The following IGF1R variants were observed in gnomAD, a reference collection of about 807,000 sequenced individuals.
The protein encoded by IGF1R is insulin like growth factor 1 receptor.
A neutral mutation model predicts 144.6 loss-of-function variants in IGF1R; 44 were observed. The ratio of observed to expected loss-of-function variants is 0.30; its 90% CI spans 0.24 to 0.39. The LOEUF (loss-of-function observed/expected upper bound fraction) is 0.39. Among genes scored for constraint, IGF1R ranks in the 10% least tolerant of loss-of-function variants. The pLI, the probability that IGF1R is intolerant of heterozygous loss-of-function variation, is 1.00. For synonymous variants in IGF1R, 795 were observed against 722.8 expected, an observed-to-expected ratio of 1.10 and a Z score of -1.60; for missense variants, 1,355 against 1,833.7, an observed-to-expected ratio of 0.74 and a Z score of 4.77.
At chr15:98,783,305 C>T (rs1207952332) in intron 2 of IGF1R, among the ~76,000 whole-genome samples, 1 of 152,098 alleles carries the variant, frequency 6.6e-6, no homozygotes, top group African/African-American at 2.4e-5. Flanking sequence ...ACCTACTTCC[C>T]TTCTATCTCT....
intron 2 of IGF1R, among the ~76,000 whole-genome samples, chr15:98,812,067 A>G (rs953876673): frequency 1.3e-5 from 2 of 152,190 alleles, no homozygotes; most frequent in Non-Finnish European, 2.9e-5. Context: ...TTAAGTCTCC[A>G]TTTGATAAAG....
Position 98,963,957 on chromosome 15 carries a change from G to GA in IGF1R, c.*6518dup. On this transcript the variant is annotated 3_prime_UTR_variant, in exon 21 of 21. Transcript: ENST00000650285. Reference sequence around the variant, plus strand: ...TTGCGCTACATAGGAGAAAGATCTGGAAACTATTTGGGTTTTGTTTTCAAC... The same window carrying GA: ...TTGCGCTACATAGGAGAAAGATCTGGAAAACTATTTGGGTTTTGTTTTCAAC... 1 of 233,354 alleles carries GA rather than the reference G, an allele frequency of 4.3e-6. No individual in the cohort carries two copies. The highest frequency in any genetic ancestry group is 8.5e-6 in the Non-Finnish European group (1 of 117,900). 14.5% of individuals were successfully genotyped at this position (233,354 alleles called of 1,614,324 possible).
intron 1 of IGF1R, among the ~76,000 whole-genome samples, chr15:98,667,178 A>ACT (rs58744125): frequency 0.91 from 138,522 of 152,116 alleles, 63,387 homozygotes; most frequent in Non-Finnish European, 0.96. Context: ...CAGGAGTCAA[A>ACT]CTCATGCCAC....
At chr15:98,706,346 G>A (rs557872924) in intron 1 of IGF1R, among the ~76,000 whole-genome samples, 2 of 152,182 alleles carry the variant, frequency 1.3e-5, no homozygotes, top group Admixed American at 6.5e-5. Context: ...CCTAAAAAAG[G>A]TTATCACAAA....
At chr15:98,789,260 C>G (rs1418019000) in intron 2 of IGF1R, among the ~76,000 whole-genome samples, 1 of 152,220 alleles carries the variant, frequency 6.6e-6, no homozygotes, top group Non-Finnish European at 1.5e-5. Flanking sequence ...TTGACAGGGA[C>G]ACATTGTTCT....
intron 2 of IGF1R, among the ~76,000 whole-genome samples, chr15:98,869,975 G>A (rs1596378396): frequency 6.6e-6 from 1 of 151,914 alleles, no homozygotes; most frequent in Admixed American, 6.5e-5. Flanking sequence ...TGCATTACAA[G>A]TATATACTGA....
At chr15:98,706,451 C>T (rs916716922) in intron 1 of IGF1R, among the ~76,000 whole-genome samples, 18 of 152,306 alleles carry the variant, frequency 1.2e-4, no homozygotes, top group Non-Finnish European at 1.5e-5. Context: ...TCTGCAAATG[C>T]GTTGGCCCAG....
At chr15:98,708,165 T>C in intron 2 of IGF1R, 58 bp downstream of exon 2, 1 of 1,427,628 alleles carries the variant, frequency 7.0e-7, no homozygotes, top group South Asian at 1.2e-5. Flanking sequence ...CTCCTCCTCC[T>C]TGACCTCCCT....
At chr15:98,684,553 A>G (rs1438805002) in intron 1 of IGF1R, among the ~76,000 whole-genome samples, 1 of 152,208 alleles carries the variant, frequency 6.6e-6, no homozygotes, top group Non-Finnish European at 1.5e-5. Context: ...AACACTTAAT[A>G]CTTAGCACAG....
rs553910186 is a variant in IGF1R at position 98,685,722 on chromosome 15, G to A, written c.95-21840G>A. Among the ~76,000 whole-genome samples the A allele has an allele frequency of 8.5e-4, 130 of 152,314 alleles. 1 individual carries two copies. The highest frequency in any genetic ancestry group is 1.5e-3 in the Non-Finnish European group (99 of 68,026). On this transcript the variant is annotated intron_variant, in intron 1 of 20. Transcript: ENST00000650285. ...AACAGGAGTGTGCAAGAACACCAGCGTGCTTCCAGTATTCAGGTCTAGCGG... is the reference window on the plus strand; with the variant it reads ...AACAGGAGTGTGCAAGAACACCAGCATGCTTCCAGTATTCAGGTCTAGCGG...
intron 1 of IGF1R, among the ~76,000 whole-genome samples, chr15:98,698,101 C>T (rs1300051436): frequency 6.8e-6 from 1 of 147,818 alleles, no homozygotes; most frequent in East Asian, 2.0e-4. Context: ...TGCCGTGGTG[C>T]GATCTTGGCT....
chr15:98,844,153 T>C (rs1324311544), intron 2 of IGF1R, among the ~76,000 whole-genome samples: 1 of 152,198 alleles, frequency 6.6e-6, no homozygotes, highest in East Asian at 1.9e-4. Flanking sequence ...ATATGACATA[T>C]GGCTATGTGT....
chr15:98,910,148 G>A (rs966108420), intron 6 of IGF1R, among the ~76,000 whole-genome samples: 10 of 152,174 alleles, frequency 6.6e-5, no homozygotes, highest in African/African-American at 9.7e-5. Flanking sequence ...AGGGAAGCAC[G>A]CTGACTGACC....
chr15:98,887,551 TGTC>T (rs2013700377), intron 2 of IGF1R, among the ~76,000 whole-genome samples: 1 of 152,212 alleles, frequency 6.6e-6, no homozygotes, highest in Non-Finnish European at 1.5e-5. Flanking sequence ...CCCCAGTTAG[TGTC>T]TGATGATGAT....
intron 2 of IGF1R, among the ~76,000 whole-genome samples, chr15:98,856,055 G>A (rs902864598): frequency 6.6e-6 from 1 of 152,170 alleles, no homozygotes; most frequent in Non-Finnish European, 1.5e-5. Context: ...AGAGGGAGAC[G>A]GGGTGTGCTG....
intron 1 of IGF1R, among the ~76,000 whole-genome samples, chr15:98,672,095 C>T (rs1485230115): frequency 2.6e-5 from 4 of 152,180 alleles, no homozygotes; most frequent in African/African-American, 7.2e-5. Flanking sequence ...AGTTGTTTCC[C>T]TCATAATGTT....
chr15:98,748,317 C>G (rs2054919823), intron 2 of IGF1R, among the ~76,000 whole-genome samples: 1 of 152,108 alleles, frequency 6.6e-6, no homozygotes, highest in Non-Finnish European at 1.5e-5. Context: ...CAGGCATAAG[C>G]CACCTTGCCC....
chr15:98,653,574 A>G (rs922312850), intron 1 of IGF1R, among the ~76,000 whole-genome samples: 6 of 152,252 alleles, frequency 3.9e-5, no homozygotes, highest in African/African-American at 9.6e-5. Context: ...TGTTTCAAGT[A>G]TACAGTGATT....
intron 2 of IGF1R, among the ~76,000 whole-genome samples, chr15:98,876,994 T>G (rs995051697): frequency 2.0e-5 from 3 of 152,190 alleles, no homozygotes; most frequent in Non-Finnish European, 4.4e-5. Context: ...TAATGTATAC[T>G]CTATAATAAA....
Sources: allele counts gnomAD v4.1 joint callset (sites outside exome capture counted in the v4.1 genomes callset), GRCh38; gene constraint gnomAD v4.1.1; transcripts MANE v1.5; gene names NCBI Gene and HGNC (gene_info 2026-07-23, HGNC 2026-07-21).